The following MTUS1 variants were observed in gnomAD, a reference collection of about 807,000 sequenced individuals.
The protein encoded by MTUS1 is microtubule associated scaffold protein 1.
MTUS1 carries 109 observed loss-of-function variants against 120.8 expected under a neutral mutation model. The observed-to-expected ratio is 0.90, with a 90% CI of 0.77 to 1.06. The LOEUF is 1.06. Among genes scored for constraint, MTUS1 ranks in the 50% least tolerant of loss-of-function variants. The pLI is 0.00. For synonymous variants in MTUS1, 737 were observed against 550.5 expected, an observed-to-expected ratio of 1.34 and a Z score of -4.74; for missense variants, 2,210 against 1,486.3, an observed-to-expected ratio of 1.49 and a Z score of -8.01.
intron 1 of MTUS1, among the ~76,000 whole-genome samples, chr8:17,761,399 G>A (rs1200665327): frequency 6.6e-6 from 1 of 152,068 alleles, no homozygotes; most frequent in Non-Finnish European, 1.5e-5. Flanking sequence ...ATTAATGCTA[G>A]AAGAAATTTT....
rs56305317 is a variant in MTUS1 at position 17,730,485 on chromosome 8, T to TAAA, written c.2288-6655_2288-6653dup. Reference sequence around the variant, plus strand: ...GGGCAAGAGAGCAAGACTCTGTCTTTAAAAAAAAAAAAAAAAAAAAAGTGA... The same window carrying TAAA: ...GGGCAAGAGAGCAAGACTCTGTCTTTAAAAAAAAAAAAAAAAAAAAAAAAGTGA... On this transcript the variant is annotated intron_variant, in intron 3 of 14. Transcript: ENST00000693296. Among the ~76,000 whole-genome samples the TAAA allele has an allele frequency of 5.3e-3, 653 of 122,764 alleles. 2 individuals carry two copies. Among genetic ancestry groups the TAAA allele is most frequent in the African/African-American group, 0.019 (604 of 32,568 alleles). 80.5% of individuals were successfully genotyped at this position (122,764 alleles called of 152,430 possible). A position where few individuals can be genotyped will look rare whatever the true frequency, so the allele number is the denominator to read the frequency against.
intron 8 of MTUS1, chr8:17,674,933 A>C (rs1812775253): frequency 2.4e-6 from 3 of 1,267,186 alleles, no homozygotes; most frequent in Non-Finnish European, 3.0e-6. Context: ...CCCTCTCTTC[A>C]GCAAGAGAAA....
chr8:17,665,173 G>C (rs1810629504), intron 8 of MTUS1, among the ~76,000 whole-genome samples: 1 of 152,208 alleles, frequency 6.6e-6, no homozygotes, highest in Admixed American at 6.5e-5. Flanking sequence ...AAATTTTGCA[G>C]ACAAGTGGTA....
intron 3 of MTUS1, among the ~76,000 whole-genome samples, chr8:17,739,102 C>G (rs576131858): frequency 2.5e-4 from 38 of 152,198 alleles, no homozygotes; most frequent in African/African-American, 9.2e-4. Context: ...ATGGTGGAGT[C>G]AGTGCACTCC....
At chr8:17,724,195 C>T (rs903979612) in intron 3 of MTUS1, 19 of 441,994 alleles carry the variant, frequency 4.3e-5, no homozygotes, top group Admixed American at 4.3e-4. Context: ...TTGATACGAC[C>T]CCCCATACTG....
intron 8 of MTUS1, among the ~76,000 whole-genome samples, chr8:17,665,679 T>C (rs1810744857): frequency 6.6e-6 from 1 of 152,180 alleles, no homozygotes; most frequent in African/African-American, 2.4e-5. Context: ...CCAGCCTCTT[T>C]GAGAGCCTAA....
Position 17,690,319 on chromosome 8 carries a change from G to A in MTUS1, c.2624-5777C>T, listed in dbSNP as rs142021289. ...CACTAATCATCAGAGAAATGCAAAT[G>A]AAAACCACGATGAGATACCATTTCC... On this transcript the variant is annotated intron_variant, in intron 6 of 14. Coordinates refer to ENST00000693296, the MANE Select transcript of MTUS1 (RefSeq NM_001363059.2). Among the ~76,000 whole-genome samples, 540 of 152,208 alleles carry A rather than the reference G, an allele frequency of 3.5e-3. 2 individuals are homozygous for A. Among genetic ancestry groups the A allele is most frequent in the African/African-American group, 0.012 (503 of 41,566 alleles).
At chr8:17,724,048 A>G (rs544087898) in intron 3 of MTUS1, 6 of 572,484 alleles carry the variant, frequency 1.0e-5, no homozygotes, top group African/African-American at 9.4e-5. Flanking sequence ...TGATGAGGCA[A>G]TTAGGATATG....
chr8:17,648,722 C>T (rs1285025606), intron 13 of MTUS1, among the ~76,000 whole-genome samples: 1 of 152,200 alleles, frequency 6.6e-6, no homozygotes, highest in Non-Finnish European at 1.5e-5. Flanking sequence ...CAACACAAAC[C>T]AAGCAGCAGA....
Position 17,728,643 on chromosome 8 carries a change from A to G in MTUS1, c.2288-4810T>C, listed in dbSNP as rs376917244. 2.0e-5 allele frequency among the ~76,000 whole-genome samples: 3 copies of G among 152,360 alleles called. No homozygotes were observed. In the East Asian group the frequency reaches 5.8e-4, roughly 29 times the overall value. On this transcript the variant is annotated intron_variant, in intron 3 of 14. Transcript: ENST00000693296. ...TGTTGTTCTGTAGTTTATACAGCTT[A>G]GTAGGAACACAGGTGGGAAGAAGAA...
chr8:17,714,225 C>T (rs1366562254), intron 5 of MTUS1, among the ~76,000 whole-genome samples: 2 of 152,122 alleles, frequency 1.3e-5, no homozygotes, highest in Admixed American at 1.3e-4. Flanking sequence ...TCAACCCACT[C>T]CTAAAATTCA....
intron 1 of MTUS1, among the ~76,000 whole-genome samples, chr8:17,762,736 T>C (rs146918955): frequency 1.6e-4 from 25 of 152,340 alleles, no homozygotes; most frequent in African/African-American, 6.0e-4. Flanking sequence ...CCTTTTATTC[T>C]GAAACAGTAT....
chr8:17,749,026 C>G (rs2047984305), intron 2 of MTUS1, among the ~76,000 whole-genome samples: 1 of 152,184 alleles, frequency 6.6e-6, no homozygotes, highest in South Asian at 2.1e-4. Context: ...CCCCAACCAT[C>G]TGAAGGGACC....
chr8:17,751,387 C>A (rs17125240), intron 2 of MTUS1, among the ~76,000 whole-genome samples: 38,091 of 152,042 alleles, frequency 0.25, 6,319 homozygotes, highest in African/African-American at 0.47. Context: ...AGTGACCAAC[C>A]GACATTCATG....
At chr8:17,780,555 A>C (rs1328718417) in intron 1 of MTUS1, among the ~76,000 whole-genome samples, 5 of 152,056 alleles carry the variant, frequency 3.3e-5, no homozygotes, top group Non-Finnish European at 7.4e-5. Flanking sequence ...AGGAGTCAGC[A>C]ATAATCTGCC....
At chr8:17,692,696 G>T (rs4921803) in intron 6 of MTUS1, among the ~76,000 whole-genome samples, 43,388 of 151,828 alleles carry the variant, frequency 0.29, 7,444 homozygotes, top group Non-Finnish European at 0.39. Flanking sequence ...AGGAGGGAGA[G>T]GAGCAGAAAA....
intron 7 of MTUS1, among the ~76,000 whole-genome samples, chr8:17,680,487 A>C (rs1394711776): frequency 1.3e-5 from 2 of 150,166 alleles, no homozygotes; most frequent in East Asian, 1.9e-4. Context: ...AAAAAAAAAA[A>C]AAAAAAAAAG....
At chr8:17,790,220 C>G (rs2051657489) in intron 1 of MTUS1, among the ~76,000 whole-genome samples, 1 of 151,926 alleles carries the variant, frequency 6.6e-6, no homozygotes, top group African/African-American at 2.4e-5. Flanking sequence ...TGATGGCACA[C>G]ACCTGTAGTC....
chr8:17,785,262 A>C (rs886482956), intron 1 of MTUS1, among the ~76,000 whole-genome samples: 2 of 152,216 alleles, frequency 1.3e-5, no homozygotes, highest in African/African-American at 4.8e-5. Context: ...AATTACAAAA[A>C]CTGCAAAGGT....
Sources: allele counts gnomAD v4.1 joint callset (sites outside exome capture counted in the v4.1 genomes callset), GRCh38; gene constraint gnomAD v4.1.1; transcripts MANE v1.5; gene names NCBI Gene and HGNC (gene_info 2026-07-23, HGNC 2026-07-21).